DDX23: variants seen among roughly 807,000 people sequenced by gnomAD.
DDX23 encodes the protein DEAD-box helicase 23.
Under a neutral mutation model 102.7 loss-of-function variants are expected in DDX23, and 33 were observed. That is an observed-to-expected ratio of 0.32 (90% confidence interval 0.24 to 0.43). The LOEUF (loss-of-function observed/expected upper bound fraction) is 0.43, where lower values mean the gene tolerates loss of function less well. Among genes scored for constraint, DDX23 ranks in the 20% least tolerant of loss-of-function variants. DDX23 has a pLI of 1.00. For missense variants in DDX23, 549 were observed against 1,086.6 expected, an observed-to-expected ratio of 0.51 and a Z score of 6.96; for synonymous variants, 352 against 376.0, an observed-to-expected ratio of 0.94 and a Z score of 0.74.
intron 8 of DDX23, 69 bp from the exon 9 acceptor site, chr12:48,837,106 A>G (rs1024905763): frequency 8.4e-5 from 134 of 1,600,614 alleles, no homozygotes; most frequent in Non-Finnish European, 1.0e-4. Context: ...AGGGCAGACT[A>G]CTAGTATGAA....
At chr12:48,847,574 A>C (rs1476962301) in intron 1 of DDX23, among the ~76,000 whole-genome samples, 2 of 151,972 alleles carry the variant, frequency 1.3e-5, no homozygotes, top group Non-Finnish European at 2.9e-5. Flanking sequence ...TCATGCCTGT[A>C]ATCTCAGCAC....
rs550346856 is a variant in DDX23, at chr12:48,843,541, T to C, written c.320+399A>G. Among the ~76,000 whole-genome samples, 10 of 144,078 alleles carry C rather than the reference T, an allele frequency of 6.9e-5. No individual in the cohort carries two copies. The South Asian group carries it at 2.2e-3, about 31-fold the overall frequency. The allele number at this position is 144,078 out of a possible 152,430, so 94.5% of individuals were successfully genotyped here. A position where few individuals can be genotyped will look rare whatever the true frequency, so the allele number is the denominator to read the frequency against. Reference sequence around the variant, plus strand: ...ATCTGTTAAGAGAAATCTACTTTCTTTCTTTCTTTTTTTTTTTTTTTTTTT... The same window carrying C: ...ATCTGTTAAGAGAAATCTACTTTCTCTCTTTCTTTTTTTTTTTTTTTTTTT... On this transcript the variant is annotated intron_variant, in intron 3 of 16. Coordinates refer to ENST00000308025, the MANE Select transcript of DDX23 (RefSeq NM_004818.3).
intron 11 of DDX23, 25 bp from the exon 12 acceptor site, chr12:48,834,522 G>A (rs1190983432): frequency 6.2e-7 from 1 of 1,602,434 alleles, no homozygotes; most frequent in African/African-American, 1.3e-5. Context: ...GTGCCCCACA[G>A]CTTCGTGAGC....
chr12:48,833,612 A>C, intron 12 of DDX23, 93 bp from the exon 13 acceptor site: 1 of 1,481,612 alleles, frequency 6.7e-7, no homozygotes, highest in Non-Finnish European at 9.1e-7. Context: ...CAGACCTCCA[A>C]TGCTGAGGAA....
chr12:48,843,831 A>C, intron 3 of DDX23, 109 bp downstream of exon 3: 2 of 1,187,978 alleles, frequency 1.7e-6, no homozygotes, highest in Non-Finnish European at 2.5e-6. Context: ...TACAGGCGTG[A>C]GCCACCACGC....
At chr12:48,841,997 C>A (rs1938561125) in intron 3 of DDX23, among the ~76,000 whole-genome samples, 1 of 149,948 alleles carries the variant, frequency 6.7e-6, no homozygotes, top group African/African-American at 2.4e-5. Flanking sequence ...CCCGGCCGCC[C>A]CGTCTGAGAA....
At chr12:48,835,995 T>C in intron 11 of DDX23, 126 bp downstream of exon 11, 1 of 1,117,756 alleles carries the variant, frequency 8.9e-7, no homozygotes. Context: ...TATTCCCTAA[T>C]ATCCAACAAA....
intron 3 of DDX23, among the ~76,000 whole-genome samples, chr12:48,841,420 T>C (rs1050750946): frequency 2.6e-5 from 4 of 151,920 alleles, no homozygotes; most frequent in Admixed American, 1.3e-4. Context: ...GAAGAATCCA[T>C]AGATAGAAAA....
rs1221074379 is a variant in DDX23 at position 48,832,542 on chromosome 12, G to A, written c.1835C>T (p.Ala612Val). ...TVMFTATMPPAVERLARSYLR... is the reference protein window; with the variant it reads ...TVMFTATMPPVVERLARSYLR... ...ATAGCTCCTGGCCAGACGCTCCACCGCTGGGGGCATGGTGGCCGTGAACAT... is the reference window on the plus strand; with the variant it reads ...ATAGCTCCTGGCCAGACGCTCCACCACTGGGGGCATGGTGGCCGTGAACAT... Residue 612 changes from alanine to valine, a missense_variant, in exon 14 of 17, where the codon GCG (alanine) becomes GTG (valine). By Grantham distance (64) the Ala-to-Val change is moderately conservative (BLOSUM62 0). Around this residue, in one of 4 missense-constraint regions of DDX23, gnomAD observed 270 missense variants for 707.0 expected, o/e 0.38. Transcript: ENST00000308025. The surrounding 1 kb of genome is among the most constrained non-coding windows in gnomAD (Gnocchi z 4.4). The A allele has an allele frequency of 1.9e-6, 3 of 1,614,002 alleles. No individual in the cohort carries two copies. Among genetic ancestry groups the A allele is most frequent in the African/African-American group, 2.7e-5 (2 of 74,918 alleles).
At chr12:48,847,963 GT>G (rs1254897244) in intron 1 of DDX23, among the ~76,000 whole-genome samples, 1 of 152,184 alleles carries the variant, frequency 6.6e-6, no homozygotes, top group Non-Finnish European at 1.5e-5. Context: ...AGAAATTGTT[GT>G]AGGTAACGGA....
Position 48,832,407 on chromosome 12 carries a change from C to G in DDX23, c.1955+15G>C. 6.2e-7 allele frequency: 1 copy of G among 1,610,672 alleles called. No homozygotes were observed. The highest frequency in any genetic ancestry group is 1.7e-4 in the Middle Eastern group (1 of 6,044). ...ATTCTCCACCCTGTTTCCCCTGGCTCAGCTGCCCTCATACCTCTTTTCTGA... is the reference window on the plus strand; with the variant it reads ...ATTCTCCACCCTGTTTCCCCTGGCTGAGCTGCCCTCATACCTCTTTTCTGA... On this transcript the variant is annotated intron_variant, in intron 14 of 16. Coordinates refer to ENST00000308025, the MANE Select transcript of DDX23 (RefSeq NM_004818.3). The surrounding 1 kb of genome is among the most constrained non-coding windows in gnomAD (Gnocchi z 4.4).
At chr12:48,831,374 G>C in intron 15 of DDX23, 58 bp from the exon 16 acceptor site, 1 of 1,557,092 alleles carries the variant, frequency 6.4e-7, no homozygotes, top group Non-Finnish European at 8.8e-7. Context: ...AGACACAGGA[G>C]TTCAGAGGAA....
chr12:48,846,047 C>CA (rs1418794365), intron 1 of DDX23, among the ~76,000 whole-genome samples: 1 of 152,190 alleles, frequency 6.6e-6, no homozygotes, highest in African/African-American at 2.4e-5. Context: ...CTCACTCTGT[C>CA]ACCCAGGCTG....
intron 2 of DDX23, among the ~76,000 whole-genome samples, chr12:48,844,684 G>A (rs773023537): frequency 1.4e-4 from 20 of 144,972 alleles, no homozygotes; most frequent in Non-Finnish European, 2.6e-4. Context: ...TGTTAGCCAG[G>A]ATGGTCTCGA....
In DDX23 at chr12:48,846,635, C is replaced by T. The variant is rs116980141; in HGVS notation, c.1-853G>A. Among the ~76,000 whole-genome samples, 1,235 of 152,322 alleles carry T rather than the reference C, an allele frequency of 8.1e-3. 8 individuals are homozygous for T. The highest frequency in any genetic ancestry group is 0.013 in the Non-Finnish European group (855 of 68,032). ...ACCTCTAATTATGCAATGGGAAGAA[C>T]TTGGTGAAGGGTACACAGAACCTCT... On this transcript the variant is annotated intron_variant, in intron 1 of 16. Transcript: ENST00000308025.
At chr12:48,845,916 G>A (rs2137495655) in intron 1 of DDX23, 134 bp from the exon 2 acceptor site, 1 of 992,694 alleles carries the variant, frequency 1.0e-6, no homozygotes, top group Non-Finnish European at 1.5e-6. Flanking sequence ...GAGAACGGTG[G>A]AGCTCAGGTA....
chr12:48,840,245 C>T (rs1938529020), intron 3 of DDX23, 139 bp from the exon 4 acceptor site: 1 of 751,024 alleles, frequency 1.3e-6, no homozygotes, highest in Admixed American at 1.9e-5. Flanking sequence ...TGTCTTGAAA[C>T]TCTCTTAGCA....
chr12:48,840,234 A>G, intron 3 of DDX23, 128 bp from the exon 4 acceptor site: 3 of 778,242 alleles, frequency 3.9e-6, no homozygotes, highest in Non-Finnish European at 6.9e-6. Context: ...GTCATCTATC[A>G]TGTCTTGAAA....
At position 48,837,304 on chromosome 12, in the gene DDX23, G is replaced by A. The variant is rs1057906; in HGVS notation, c.843C>T (p.Asp281=). The change falls in exon 8 of 17, where the codon GAC becomes GAT. Residue 281 remains aspartate (D), a synonymous_variant. Transcript: ENST00000308025. ...KFVFEWDASE[D]TSIDYNPLYK... The stretch of plus-strand genomic sequence containing the variant: ...ACAGGGGGTTGTAGTCAATGGATGT[G>A]TCCTCAGATGCATCCCACTCAAAAA... 91 of 1,613,942 alleles carry A rather than the reference G, an allele frequency of 5.6e-5. No individual in the cohort carries two copies. The highest frequency in any genetic ancestry group is 1.6e-4 in the Middle Eastern group (1 of 6,082).
Sources: allele counts gnomAD v4.1 joint callset (sites outside exome capture counted in the v4.1 genomes callset), GRCh38; gene constraint gnomAD v4.1.1; regional missense constraint gnomAD v4.1.1; non-coding constraint Gnocchi (gnomAD v3.1); transcripts MANE v1.5; gene names NCBI Gene and HGNC (gene_info 2026-07-23, HGNC 2026-07-21).